Variants in EIF2AK3 observed in about 807,000 individuals in gnomAD.
EIF2AK3 encodes the protein eukaryotic translation initiation factor 2 alpha kinase 3, also known as eukaryotic translation initiation factor 2-alpha kinase 3.
A neutral mutation model predicts 113.5 loss-of-function variants in EIF2AK3; 50 were observed. That is an observed-to-expected ratio of 0.44 (90% CI 0.35 to 0.56). The LOEUF (loss-of-function observed/expected upper bound fraction) is 0.56. Ranked by LOEUF, EIF2AK3 falls within the 20% of genes least tolerant of loss-of-function variation. EIF2AK3 has a pLI of 0.00. For synonymous variants in EIF2AK3, 448 were observed against 495.4 expected, an observed-to-expected ratio of 0.90 and a Z score of 1.27; for missense variants, 1,185 against 1,378.0, an observed-to-expected ratio of 0.86 and a Z score of 2.22.
intron 15 of EIF2AK3, among the ~76,000 whole-genome samples, chr2:88,560,238 A>G (rs781121452): frequency 2.2e-4 from 34 of 152,042 alleles, no homozygotes; most frequent in Non-Finnish European, 4.3e-4. Flanking sequence ...TCACATGCTT[A>G]TTGGCCATTT....
upstream of EIF2AK3, chr2:88,627,492 T>G (rs1252868048): frequency 6.0e-6 from 3 of 498,996 alleles, no homozygotes; most frequent in Non-Finnish European, 9.6e-6. Context: ...TTGAGCAAAC[T>G]TTCCGCGCGT....
rs555688005 is a variant in EIF2AK3 at position 88,561,978 on chromosome 2, C to A, written c.3087+311G>T. Among the ~76,000 whole-genome samples the A allele has an allele frequency of 2.0e-5, 3 of 152,256 alleles. No individual in the cohort carries two copies. The East Asian group carries it at 5.8e-4, about 29-fold the overall frequency. On this transcript the variant is annotated intron_variant, in intron 15 of 16. Coordinates refer to ENST00000303236, the MANE Select transcript of EIF2AK3 (RefSeq NM_004836.7). ...AGCTTTTAAATATATGAGTGTGTGGCCCCCATTACCTTGTGGTTCCCCTAG... is the reference window on the plus strand; with the variant it reads ...AGCTTTTAAATATATGAGTGTGTGGACCCCATTACCTTGTGGTTCCCCTAG...
intron 1 of EIF2AK3, among the ~76,000 whole-genome samples, chr2:88,614,956 A>G (rs1298833762): frequency 6.6e-6 from 1 of 152,214 alleles, no homozygotes; most frequent in Non-Finnish European, 1.5e-5. Context: ...AATGCTCAAC[A>G]ATCATAACAC....
At chr2:88,623,579 T>G (rs1283914023) in intron 1 of EIF2AK3, among the ~76,000 whole-genome samples, 1 of 152,192 alleles carries the variant, frequency 6.6e-6, no homozygotes, top group Non-Finnish European at 1.5e-5. Context: ...CTGCAGTTCT[T>G]CACAGCTGTT....
chr2:88,574,685 A>T lies in EIF2AK3; in HGVS notation c.2798T>A (p.Leu933Gln). 1 of 1,614,148 alleles carries T rather than the reference A, an allele frequency of 6.2e-7. No individual in the cohort carries two copies. Among genetic ancestry groups the T allele is most frequent in the Non-Finnish European group, 8.5e-7 (1 of 1,179,992 alleles). Residue 933 changes from leucine to glutamine, a missense_variant, in exon 13 of 17, where the codon CTG becomes CAG. This residue lies in a region of EIF2AK3 where 877 missense variants were observed against 1,024.2 expected (regional missense o/e 0.86). Transcript: ENST00000303236. ...EAVEFLHSKG[L>Q]MHRDLKPSNI... Reference sequence around the variant, plus strand: ...ACAGACCTTGAGGTCCCTGTGCATCAGTCCTTTACTGTGAAGAAACTCCAC... The same window carrying T: ...ACAGACCTTGAGGTCCCTGTGCATCTGTCCTTTACTGTGAAGAAACTCCAC...
intron 2 of EIF2AK3, among the ~76,000 whole-genome samples, chr2:88,613,034 T>A (rs1279510384): frequency 6.6e-6 from 1 of 152,164 alleles, no homozygotes; most frequent in Non-Finnish European, 1.5e-5. Flanking sequence ...GAATTGAAAC[T>A]AAAGGTGAGG....
chr2:88,611,555 A>C (rs1327293853), intron 2 of EIF2AK3, among the ~76,000 whole-genome samples: 1 of 151,740 alleles, frequency 6.6e-6, no homozygotes, highest in African/African-American at 2.4e-5. Context: ...TAATGCAAAG[A>C]GGTATCAGGA....
At chr2:88,623,238 T>G (rs1675775478) in intron 1 of EIF2AK3, among the ~76,000 whole-genome samples, 2 of 152,168 alleles carry the variant, frequency 1.3e-5, no homozygotes, top group Non-Finnish European at 2.9e-5. Context: ...AATCTAACAG[T>G]GAGGTGATGA....
intron 15 of EIF2AK3, 29 bp downstream of exon 15, chr2:88,562,260 C>CT (rs201080614): frequency 2.0e-4 from 314 of 1,550,486 alleles, no homozygotes; most frequent in South Asian, 5.7e-4. Flanking sequence ...CTGTTTGAAA[C>CT]TTTTTTTTTG....
At position 88,606,307 on chromosome 2, in the gene EIF2AK3, A is replaced by T. The variant is rs564279017; in HGVS notation, c.438+7417T>A. Among the ~76,000 whole-genome samples the T allele has an allele frequency of 2.5e-4, 37 of 145,624 alleles. No homozygotes were observed. The East Asian group carries it at 2.9e-3, about 12-fold the overall frequency. ...CATGAAGAGTCAATTTCCTAAAAAA[A>T]TAAAATAAAAAATAAAAAAAACAGG... is the stretch of plus-strand genomic sequence containing the variant. On this transcript the variant is annotated intron_variant, in intron 2 of 16. Transcript: ENST00000303236.
intron 2 of EIF2AK3, 83 bp downstream of exon 2, chr2:88,613,641 C>A: frequency 1.3e-6 from 2 of 1,500,606 alleles, no homozygotes; most frequent in East Asian, 4.5e-5. Context: ...CAAACCTGGG[C>A]AATAGGGCCC....
chr2:88,572,476 G>C (rs1470741741), intron 13 of EIF2AK3, among the ~76,000 whole-genome samples: 1 of 152,186 alleles, frequency 6.6e-6, no homozygotes, highest in Non-Finnish European at 1.5e-5. Context: ...GTTGAGGGAT[G>C]GGTAGGTGTC....
At chr2:88,588,457 ATATAAG>A (rs1439136493) in intron 7 of EIF2AK3, among the ~76,000 whole-genome samples, 1 of 152,328 alleles carries the variant, frequency 6.6e-6, no homozygotes, top group Non-Finnish European at 1.5e-5. Context: ...AACAGTCTTA[ATATAAG>A]TATGTTAAGC....
intron 16 of EIF2AK3, 42 bp downstream of exon 16, chr2:88,558,875 A>C (rs1673859942): frequency 6.7e-7 from 1 of 1,481,658 alleles, no homozygotes; most frequent in African/African-American, 1.4e-5. Flanking sequence ...TTACGTTCTA[A>C]AGATGATTCT....
chr2:88,560,105 A>C (rs1448327402), intron 15 of EIF2AK3, among the ~76,000 whole-genome samples: 1 of 152,190 alleles, frequency 6.6e-6, no homozygotes, highest in Non-Finnish European at 1.5e-5. Context: ...CATCCTAGCC[A>C]ACACTTGACA....
intron 2 of EIF2AK3, among the ~76,000 whole-genome samples, chr2:88,601,754 G>A (rs1438421578): frequency 1.3e-5 from 2 of 151,148 alleles, no homozygotes; most frequent in African/African-American, 4.9e-5. Flanking sequence ...ATTGCTTGAT[G>A]GCCTACTATT....
intron 15 of EIF2AK3, among the ~76,000 whole-genome samples, chr2:88,560,751 T>G (rs988064479): frequency 6.6e-6 from 1 of 152,138 alleles, no homozygotes; most frequent in African/African-American, 2.4e-5. Context: ...GACTGTTTTT[T>G]TTTTTTTTTC....
intron 2 of EIF2AK3, among the ~76,000 whole-genome samples, chr2:88,604,311 A>G (rs564411965): frequency 6.6e-6 from 1 of 152,126 alleles, no homozygotes; most frequent in Admixed American, 6.5e-5. Context: ...GCCATCCTCA[A>G]CTTCTCTCAG....
chr2:88,579,199 ACTTTTC>A (rs1278092030), intron 11 of EIF2AK3, among the ~76,000 whole-genome samples: 1 of 152,208 alleles, frequency 6.6e-6, no homozygotes, highest in Non-Finnish European at 1.5e-5. Context: ...TTGTTCTAGT[ACTTTTC>A]CTTATTTATA....
Sources: gnomAD v4.1 joint callset for allele counts (sites outside exome capture counted in the v4.1 genomes callset) on GRCh38, gnomAD v4.1.1 for gene constraint, gnomAD v4.1.1 regional missense constraint, MANE v1.5 for transcripts, NCBI Gene and HGNC (gene_info 2026-07-23, HGNC 2026-07-21) for gene names.